The following GNA14 variants were observed in gnomAD, a reference collection of about 807,000 sequenced individuals.
GNA14 encodes G protein subunit alpha 14, also known as guanine nucleotide-binding protein subunit alpha-14.
Under a neutral mutation model 42.0 loss-of-function variants are expected in GNA14, and 50 were observed. That is an observed-to-expected ratio of 1.19 (90% CI 0.95 to 1.51). The LOEUF is 1.51. Among genes scored for constraint, GNA14 ranks in the 40% most tolerant of loss-of-function variants. The probability of loss-of-function intolerance (pLI) is 0.00; values close to 1 mark genes in which losing one functional copy is unlikely to be tolerated. For missense variants in GNA14, 473 were observed against 446.2 expected (o/e 1.06, Z -0.54); for synonymous variants, 173 against 163.1 (o/e 1.06, Z -0.46).
chr9:77,577,160 A>G (rs1279256675), intron 1 of GNA14, among the ~76,000 whole-genome samples: 2 of 152,214 alleles, frequency 1.3e-5, no homozygotes, highest in African/African-American at 2.4e-5. Context: ...TTTGTGGGGA[A>G]AAAAGTCTCT....
intron 2 of GNA14, among the ~76,000 whole-genome samples, chr9:77,446,236 G>C (rs1835816225): frequency 6.6e-6 from 1 of 152,204 alleles, no homozygotes; most frequent in Admixed American, 6.5e-5. Flanking sequence ...TTCTCTTTCT[G>C]GTGTTGGGTT....
At chr9:77,607,562 C>G (rs1374875891) in intron 1 of GNA14, among the ~76,000 whole-genome samples, 1 of 152,212 alleles carries the variant, frequency 6.6e-6, no homozygotes, top group African/African-American at 2.4e-5. Context: ...GTAATACCAA[C>G]AAGGTTTCCA....
intron 2 of GNA14, among the ~76,000 whole-genome samples, chr9:77,492,380 T>C (rs2131737034): frequency 6.6e-6 from 1 of 151,792 alleles, no homozygotes; most frequent in East Asian, 1.9e-4. Context: ...AATGAAAAGT[T>C]GATTTGTTTG....
intron 1 of GNA14, among the ~76,000 whole-genome samples, chr9:77,586,661 C>T (rs1355890462): frequency 6.6e-6 from 1 of 152,214 alleles, no homozygotes; most frequent in Non-Finnish European, 1.5e-5. Context: ...CACAGATGAG[C>T]TTGAGGCGGC....
chr9:77,453,341 C>T (rs1835947843), intron 2 of GNA14, among the ~76,000 whole-genome samples: 2 of 152,126 alleles, frequency 1.3e-5, no homozygotes, highest in Admixed American at 1.3e-4. Flanking sequence ...TTATAAATTA[C>T]CCAGCCTAAG....
intron 2 of GNA14, among the ~76,000 whole-genome samples, chr9:77,484,033 A>G (rs761696404): frequency 1.3e-5 from 2 of 152,252 alleles, no homozygotes; most frequent in Non-Finnish European, 2.9e-5. Context: ...TCAAGAATAC[A>G]AAACAATTTC....
intron 1 of GNA14, among the ~76,000 whole-genome samples, chr9:77,545,981 C>T (rs1469472479): frequency 2.6e-5 from 4 of 152,054 alleles, no homozygotes; most frequent in East Asian, 1.9e-4. Context: ...TTCAGGAGGC[C>T]GAGGCAGGTG....
chr9:77,450,840 G>GT (rs1835890901), intron 2 of GNA14, among the ~76,000 whole-genome samples: 1 of 151,956 alleles, frequency 6.6e-6, no homozygotes, highest in Admixed American at 6.6e-5. Flanking sequence ...TTCCCGTGCT[G>GT]TTCTCTTGAT....
chr9:77,456,357 C>T (rs1375658761), intron 2 of GNA14: 1 of 152,238 alleles, frequency 6.6e-6, no homozygotes, highest in Non-Finnish European at 1.5e-5. Context: ...GAGACCATTA[C>T]ACATGTTGTA....
intron 1 of GNA14, among the ~76,000 whole-genome samples, chr9:77,613,556 C>A (rs957091467): frequency 6.6e-6 from 1 of 152,046 alleles, no homozygotes; most frequent in Non-Finnish European, 1.5e-5. Context: ...CTAATAATAA[C>A]AAAAGGGGCA....
chr9:77,470,955 C>A (rs1218907677), intron 2 of GNA14, among the ~76,000 whole-genome samples: 2 of 151,690 alleles, frequency 1.3e-5, no homozygotes, highest in Non-Finnish European at 2.9e-5. Context: ...GATCCAGTCA[C>A]CTCCCACCAG....
chr9:77,549,558 A>G, intron 1 of GNA14, among the ~76,000 whole-genome samples: 1 of 152,138 alleles, frequency 6.6e-6, no homozygotes, highest in East Asian at 1.9e-4. Flanking sequence ...TCTCCCCCAC[A>G]ACTAGATTAA....
intron 1 of GNA14, among the ~76,000 whole-genome samples, chr9:77,562,768 TA>T (rs561466200): frequency 1.2e-3 from 179 of 152,338 alleles, no homozygotes; most frequent in Non-Finnish European, 2.2e-3. Context: ...ACTTTATGTT[TA>T]AAATTTTGTT....
chr9:77,570,117 A>C (rs1823039138), intron 1 of GNA14, among the ~76,000 whole-genome samples: 1 of 152,170 alleles, frequency 6.6e-6, no homozygotes, highest in South Asian at 2.1e-4. Context: ...TATTTCGATT[A>C]ATTTTTGTCA....
At chr9:77,537,470 T>C (rs545917749) in intron 1 of GNA14, among the ~76,000 whole-genome samples, 3 of 152,354 alleles carry the variant, frequency 2.0e-5, no homozygotes, top group African/African-American at 4.8e-5. Flanking sequence ...ACTTTCTTTA[T>C]CCATCTGTCC....
chr9:77,516,790 A>G (rs1837266160), intron 2 of GNA14, among the ~76,000 whole-genome samples: 1 of 152,188 alleles, frequency 6.6e-6, no homozygotes, highest in Admixed American at 6.5e-5. Flanking sequence ...GGGGTTAGGA[A>G]GGACATCAAG....
At chr9:77,627,072 A>G (rs1021828378) in intron 1 of GNA14, among the ~76,000 whole-genome samples, 1 of 152,232 alleles carries the variant, frequency 6.6e-6, no homozygotes, top group African/African-American at 2.4e-5. Flanking sequence ...TCCCACAGAA[A>G]TACAAACTAC....
intron 1 of GNA14, among the ~76,000 whole-genome samples, chr9:77,530,659 T>A (rs1276637865): frequency 6.6e-6 from 1 of 152,218 alleles, no homozygotes; most frequent in Non-Finnish European, 1.5e-5. Context: ...AACTCAATTA[T>A]TAGAGAAAAA....
In GNA14 at chr9:77,644,053, T is replaced by C. The variant is rs928948003; in HGVS notation, c.124+3617A>G. ...TAGTCCTCCCGCCAAAGTTTTTATG[T>C]TGAAATCCCAACCACTAGTACCTCA... On this transcript the variant is annotated intron_variant, in intron 1 of 6. Coordinates refer to ENST00000341700, the MANE Select transcript of GNA14 (RefSeq NM_004297.4). Among the ~76,000 whole-genome samples, 21 of 152,186 alleles carry C rather than the reference T, an allele frequency of 1.4e-4. 1 individual carries two copies. Among genetic ancestry groups the C allele is most frequent in the Non-Finnish European group, 4.4e-5 (3 of 68,040 alleles).
Sources: gnomAD v4.1 joint callset for allele counts (sites outside exome capture counted in the v4.1 genomes callset) on GRCh38, gnomAD v4.1.1 for gene constraint, MANE v1.5 for transcripts, NCBI Gene and HGNC (gene_info 2026-07-23, HGNC 2026-07-21) for gene names.